The following CDH12 variants were observed in gnomAD, a reference collection of about 807,000 sequenced individuals.
The protein encoded by CDH12 is cadherin-12.
Under a neutral mutation model 74.1 loss-of-function variants are expected in CDH12, and 41 were observed. That is an observed-to-expected ratio of 0.55 (90% CI 0.43 to 0.72). CDH12 has a LOEUF of 0.72. Among genes scored for constraint, CDH12 ranks in the 30% least tolerant of loss-of-function variants. CDH12 has a pLI of 0.00. For synonymous variants in CDH12, 399 were observed against 355.0 expected, an observed-to-expected ratio of 1.12 and a Z score of -1.39; for missense variants, 945 against 977.2, an observed-to-expected ratio of 0.97 and a Z score of 0.44.
In CDH12 at chr5:21,973,760, T is replaced by C. The variant is rs1206742839; in HGVS notation, c.526+1331A>G. On this transcript the variant is annotated intron_variant, in intron 6 of 14. Transcript: ENST00000382254. ...TATTTTTTCCTCAAAATATTAACTT[T>C]ATTTTTCTCCCTGTAAAATCAAGAC... Among the ~76,000 whole-genome samples the C allele has an allele frequency of 3.3e-5, 5 of 152,328 alleles. No homozygotes were observed. In the East Asian group the frequency reaches 9.6e-4, roughly 29 times the overall value.
chr5:22,620,361 G>A (rs1302660645), intron 1 of CDH12, among the ~76,000 whole-genome samples: 2 of 151,870 alleles, frequency 1.3e-5, no homozygotes, highest in Admixed American at 6.6e-5. Context: ...GGTGTATAAT[G>A]GTTATAATTT....
chr5:22,001,169 TC>T (rs1736580858), intron 5 of CDH12, among the ~76,000 whole-genome samples: 1 of 152,178 alleles, frequency 6.6e-6, no homozygotes, highest in South Asian at 2.1e-4. Flanking sequence ...AGATACACTA[TC>T]TTTGATTTCA....
At position 22,016,891 on chromosome 5, in the gene CDH12, T is replaced by C. The variant is rs1737644022; in HGVS notation, c.232-41506A>G. 3.3e-5 allele frequency among the ~76,000 whole-genome samples: 5 copies of C among 152,226 alleles called. No individual in the cohort carries two copies. The South Asian group carries it at 1.0e-3, about 32-fold the overall frequency. ...GCCATTTTCCTTCAATAACTGGGGA[T>C]ATTGAGACTACATTTATTGATCTTG... On this transcript the variant is annotated intron_variant, in intron 5 of 14. Coordinates refer to ENST00000382254, the MANE Select transcript of CDH12 (RefSeq NM_004061.5).
At chr5:21,953,508 A>G (rs1755959825) in intron 6 of CDH12, among the ~76,000 whole-genome samples, 1 of 152,126 alleles carries the variant, frequency 6.6e-6, no homozygotes, top group South Asian at 2.1e-4. Flanking sequence ...TTTTCTGTGT[A>G]TTTCTACCTC....
chr5:22,636,600 TA>T (rs1319039682), intron 1 of CDH12, among the ~76,000 whole-genome samples: 2 of 152,174 alleles, frequency 1.3e-5, no homozygotes, highest in Non-Finnish European at 2.9e-5. Context: ...TAGATCTATA[TA>T]AAAATGTCTA....
chr5:22,811,745 C>T (rs777795640), intron 1 of CDH12, among the ~76,000 whole-genome samples: 12 of 152,156 alleles, frequency 7.9e-5, no homozygotes, highest in Middle Eastern at 3.4e-3. Flanking sequence ...ATTGTGTAAA[C>T]TTTCTGAAAG....
At chr5:22,774,036 T>TA (rs2126320648) in intron 1 of CDH12, among the ~76,000 whole-genome samples, 1 of 152,274 alleles carries the variant, frequency 6.6e-6, no homozygotes, top group East Asian at 1.9e-4. Context: ...GGTGGGAATG[T>TA]AAATTAGTTC....
rs141279564 is a variant in CDH12 at position 22,102,020 on chromosome 5, C to T, written c.-186-23158G>A. Among the ~76,000 whole-genome samples, 698 of 152,202 alleles carry T rather than the reference C, an allele frequency of 4.6e-3. 2 individuals are homozygous for T. Among genetic ancestry groups the T allele is most frequent in the Non-Finnish European group, 6.3e-3 (430 of 68,016 alleles). ...GAAATGACCTGGATTTGACTAGGGGCCATAGATTGCTGACCTCTAAAATCT... is the reference window on the plus strand; with the variant it reads ...GAAATGACCTGGATTTGACTAGGGGTCATAGATTGCTGACCTCTAAAATCT... On this transcript the variant is annotated intron_variant, in intron 4 of 14. Coordinates refer to ENST00000382254, the MANE Select transcript of CDH12 (RefSeq NM_004061.5).
intron 1 of CDH12, among the ~76,000 whole-genome samples, chr5:22,712,398 T>C (rs1345348205): frequency 6.6e-6 from 1 of 152,018 alleles, no homozygotes; most frequent in African/African-American, 2.4e-5. Flanking sequence ...AAATATAAGA[T>C]ACATTTTACA....
intron 1 of CDH12, among the ~76,000 whole-genome samples, chr5:22,550,552 G>A (rs969193044): frequency 1.3e-5 from 2 of 151,990 alleles, no homozygotes; most frequent in African/African-American, 4.8e-5. Context: ...ATAACAAGTC[G>A]ATTCTAACAC....
At chr5:22,131,680 A>G (rs1040703163) in intron 4 of CDH12, among the ~76,000 whole-genome samples, 3 of 152,184 alleles carry the variant, frequency 2.0e-5, no homozygotes, top group African/African-American at 7.2e-5. Flanking sequence ...TTTAGGTAGA[A>G]TGGAAGTATT....
At chr5:22,376,172 C>A (rs1351263786) in intron 3 of CDH12, among the ~76,000 whole-genome samples, 1 of 152,112 alleles carries the variant, frequency 6.6e-6, no homozygotes, top group Non-Finnish European at 1.5e-5. Context: ...AACCAGAGGT[C>A]ATTATGTTAA....
chr5:21,890,014 G>T (rs1752825470), intron 6 of CDH12, among the ~76,000 whole-genome samples: 1 of 151,986 alleles, frequency 6.6e-6, no homozygotes, highest in Admixed American at 6.6e-5. Flanking sequence ...AATCTCAAAG[G>T]TTCATTCTAT....
intron 5 of CDH12, among the ~76,000 whole-genome samples, chr5:22,060,953 G>A (rs1268720025): frequency 6.6e-6 from 1 of 152,080 alleles, no homozygotes; most frequent in African/African-American, 2.4e-5. Flanking sequence ...TGAAGGCAAT[G>A]GGAACTGAGT....
intron 1 of CDH12, among the ~76,000 whole-genome samples, chr5:22,710,714 G>A (rs1429131836): frequency 6.6e-6 from 1 of 152,138 alleles, no homozygotes; most frequent in Non-Finnish European, 1.5e-5. Flanking sequence ...AATATTAAAA[G>A]TCTACTTCAC....
At chr5:21,886,477 G>C (rs1752636700) in intron 6 of CDH12, among the ~76,000 whole-genome samples, 1 of 145,288 alleles carries the variant, frequency 6.9e-6, no homozygotes, top group South Asian at 2.1e-4. Context: ...TATATATGAG[G>C]AAAAATAGTA....
At chr5:22,499,363 T>C (rs1747241149) in intron 2 of CDH12, among the ~76,000 whole-genome samples, 1 of 152,194 alleles carries the variant, frequency 6.6e-6, no homozygotes, top group South Asian at 2.1e-4. Context: ...CATTTCCCCA[T>C]ATATTTATCT....
intron 3 of CDH12, among the ~76,000 whole-genome samples, chr5:22,256,127 C>G (rs1302087932): frequency 6.6e-6 from 1 of 152,058 alleles, no homozygotes; most frequent in African/African-American, 2.4e-5. Flanking sequence ...TTAAGATAGG[C>G]AAGTAAATTG....
intron 3 of CDH12, among the ~76,000 whole-genome samples, chr5:22,223,554 G>T (rs1161546706): frequency 6.6e-6 from 1 of 151,986 alleles, no homozygotes; most frequent in African/African-American, 2.4e-5. Context: ...TTTTACATTA[G>T]ACATCCCCAC....
Sources: gnomAD v4.1 joint callset for allele counts (sites outside exome capture counted in the v4.1 genomes callset) on GRCh38, gnomAD v4.1.1 for gene constraint, MANE v1.5 for transcripts, NCBI Gene and HGNC (gene_info 2026-07-23, HGNC 2026-07-21) for gene names.